OR1D2: variants seen among roughly 807,000 people sequenced by gnomAD.
The protein encoded by OR1D2 is olfactory receptor 1D2.
For synonymous variants in OR1D2, 157 were observed against 153.9 expected (o/e 1.02, Z -0.15); for missense variants, 357 against 376.1 (o/e 0.95, Z 0.42).
At position 3,092,013 on chromosome 17, in the gene OR1D2, G is replaced by C. The variant is rs757246054; in HGVS notation, c.*45C>G. 7.1e-7 allele frequency: 1 copy of C among 1,415,254 alleles called. No homozygotes were observed. Among genetic ancestry groups the C allele is most frequent in the Non-Finnish European group, 9.8e-7 (1 of 1,020,364 alleles). The allele number at this position is 1,415,254 out of a possible 1,614,324, so 87.7% of individuals were successfully genotyped here. A position where few individuals can be genotyped will look rare whatever the true frequency, so the allele number is the denominator to read the frequency against. Reference sequence around the variant, plus strand: ...AGGACAATCCCTTACATAGGGTGAAGGATATTCCTAGTCTCCACTTTAATG... The same window carrying C: ...AGGACAATCCCTTACATAGGGTGAACGATATTCCTAGTCTCCACTTTAATG... On this transcript the variant is annotated 3_prime_UTR_variant, in exon 2 of 2. Coordinates refer to ENST00000641833, the MANE Select transcript of OR1D2 (RefSeq NM_002548.3).
intron 1 of OR1D2, among the ~76,000 whole-genome samples, chr17:3,094,447 G>C (rs2047833473): frequency 6.6e-6 from 1 of 152,102 alleles, no homozygotes; most frequent in Non-Finnish European, 1.5e-5. Context: ...GCTGAATGCG[G>C]TCAGGGAAAG....
chr17:3,098,757 A>G (rs768454427), intron 1 of OR1D2, among the ~76,000 whole-genome samples: 1 of 152,204 alleles, frequency 6.6e-6, no homozygotes, highest in East Asian at 1.9e-4. Context: ...GTTCTAACCC[A>G]ATGCAAAGAA....
At chr17:3,095,469 G>A (rs2047839793) in intron 1 of OR1D2, among the ~76,000 whole-genome samples, 1 of 152,024 alleles carries the variant, frequency 6.6e-6, no homozygotes, top group South Asian at 2.1e-4. Flanking sequence ...CAAAAACACA[G>A]AAAATTTTTG....
chr17:3,092,187 G>A lies in OR1D2; in HGVS notation c.810C>T (p.Asp270=). ...LKPLHTYSVK[D]SVATVMYAVV... ...CAGCATACATCACTGTGGCTACTGA[G>A]TCCTTCACAGAGTAGGTATGGAGGG... Residue 270 remains aspartate, a synonymous_variant, in exon 2 of 2, where the codon GAC becomes GAT. Transcript: ENST00000641833. The A allele has an allele frequency of 6.2e-7, 1 of 1,614,174 alleles. No individual in the cohort carries two copies.
intron 1 of OR1D2, among the ~76,000 whole-genome samples, chr17:3,097,325 T>C (rs1222973059): frequency 6.6e-6 from 1 of 152,216 alleles, no homozygotes; most frequent in Non-Finnish European, 1.5e-5. Flanking sequence ...CTATTCAACA[T>C]AGTACTAGAA....
intron 1 of OR1D2, among the ~76,000 whole-genome samples, chr17:3,093,978 A>G (rs2047829971): frequency 6.6e-6 from 1 of 152,238 alleles, no homozygotes; most frequent in African/African-American, 2.4e-5. Context: ...AAGCATGTAG[A>G]TAAGCTAGAA....
Position 3,092,020 on chromosome 17 carries a change from C to A in OR1D2, c.*38G>T. 1.4e-6 allele frequency: 2 copies of A among 1,464,812 alleles called. No homozygotes were observed. Among genetic ancestry groups the A allele is most frequent in the South Asian group, 1.2e-5 (1 of 80,066 alleles). The allele number at this position is 1,464,812 out of a possible 1,614,324, so 90.7% of individuals were successfully genotyped here. A position where few individuals can be genotyped will look rare whatever the true frequency, so the allele number is the denominator to read the frequency against. ...TCCCTTACATAGGGTGAAGGATATT[C>A]CTAGTCTCCACTTTAATGCTGTCTT... is the stretch of plus-strand genomic sequence containing the variant. On this transcript the variant is annotated 3_prime_UTR_variant, in exon 2 of 2. Coordinates refer to ENST00000641833, the MANE Select transcript of OR1D2 (RefSeq NM_002548.3).
Position 3,089,645 on chromosome 17 carries a change from G to A in OR1D2, c.*2413C>T, listed in dbSNP as rs933873888. On this transcript the variant is annotated 3_prime_UTR_variant, in exon 2 of 2. Coordinates refer to ENST00000641833, the MANE Select transcript of OR1D2 (RefSeq NM_002548.3). The stretch of plus-strand genomic sequence containing the variant: ...GTCTTCGGCTACCAGGGTGCGTAGA[G>A]AAAGACCATTAGGTTGGGGCAGGGT... 6.6e-6 allele frequency: 1 copy of A among 152,268 alleles called. No homozygotes were observed. The highest frequency in any genetic ancestry group is 1.5e-5 in the Non-Finnish European group (1 of 68,090). 9.4% of individuals were successfully genotyped at this position (152,268 alleles called of 1,614,324 possible). A position where few individuals can be genotyped will look rare whatever the true frequency, so the allele number is the denominator to read the frequency against.
chr17:3,099,940 T>C (rs926972739), intron 1 of OR1D2, among the ~76,000 whole-genome samples: 2 of 152,052 alleles, frequency 1.3e-5, no homozygotes, highest in Non-Finnish European at 2.9e-5. Flanking sequence ...GCAAGGGCAT[T>C]ACATAATGGT....
intron 1 of OR1D2, among the ~76,000 whole-genome samples, chr17:3,097,906 G>A (rs567716522): frequency 6.6e-6 from 1 of 152,256 alleles, no homozygotes; most frequent in African/African-American, 2.4e-5. Context: ...CCCTATGGTC[G>A]ACTGTGGCCA....
rs1198967334 is a variant in OR1D2 at position 3,090,142 on chromosome 17, T to C, written c.*1916A>G. 2 of 152,272 alleles carry C rather than the reference T, an allele frequency of 1.3e-5. No individual in the cohort carries two copies. 9.4% of individuals were successfully genotyped at this position (152,272 alleles called of 1,614,324 possible). A position where few individuals can be genotyped will look rare whatever the true frequency, so the allele number is the denominator to read the frequency against. Reference sequence around the variant, plus strand: ...TGGGTCCCATATGTCCCATAGGCTTTCTTCACTCTTTTTCCATTTGTTTCT... The same window carrying C: ...TGGGTCCCATATGTCCCATAGGCTTCCTTCACTCTTTTTCCATTTGTTTCT... On this transcript the variant is annotated 3_prime_UTR_variant, in exon 2 of 2. Coordinates refer to ENST00000641833, the MANE Select transcript of OR1D2 (RefSeq NM_002548.3).
At chr17:3,093,300 A>G (rs1481329015) in intron 1 of OR1D2, among the ~76,000 whole-genome samples, 4 of 152,224 alleles carry the variant, frequency 2.6e-5, no homozygotes, top group Non-Finnish European at 4.4e-5. Flanking sequence ...TATGATATGT[A>G]TATGTGTTAA....
intron 1 of OR1D2, among the ~76,000 whole-genome samples, chr17:3,102,864 C>A (rs997644047): frequency 6.6e-6 from 1 of 152,150 alleles, no homozygotes; most frequent in Non-Finnish European, 1.5e-5. Flanking sequence ...TAGTAGGGAA[C>A]CCACTCTCTC....
intron 1 of OR1D2, among the ~76,000 whole-genome samples, chr17:3,094,174 A>G (rs764917472): frequency 1.3e-5 from 2 of 152,090 alleles, no homozygotes; most frequent in Non-Finnish European, 2.9e-5. Context: ...GCATGGGTAC[A>G]CTCTATATTA....
intron 1 of OR1D2, among the ~76,000 whole-genome samples, chr17:3,103,619 C>T (rs2047883823): frequency 6.6e-6 from 1 of 152,162 alleles, no homozygotes; most frequent in African/African-American, 2.4e-5. Context: ...GGAAACACTG[C>T]TCTGAGTTTG....
intron 1 of OR1D2, among the ~76,000 whole-genome samples, chr17:3,101,517 G>A (rs548167818): frequency 3.3e-5 from 5 of 152,016 alleles, no homozygotes; most frequent in South Asian, 4.1e-4. Context: ...TTGATGGAAC[G>A]TATCTCAAAA....
chr17:3,094,147 A>G (rs947260977), intron 1 of OR1D2, among the ~76,000 whole-genome samples: 1 of 152,214 alleles, frequency 6.6e-6, no homozygotes, highest in African/African-American at 2.4e-5. Context: ...TGCACTGTAT[A>G]TTAGCCGGTA....
chr17:3,092,099 G>C lies in OR1D2; in HGVS notation c.898C>G (p.Leu300Val). The change falls in exon 2 of 2, where the codon CTG (leucine) becomes GTG (valine). Residue 300 changes from leucine to valine, a missense_variant. By Grantham distance (32) the Leu-to-Val change is conservative. Transcript: ENST00000641833. ...SLRNKDMHGALGRLLDKHFKR... is the reference protein window; with the variant it reads ...SLRNKDMHGAVGRLLDKHFKR... ...AAGTGTTTATCTAGGAGTCTTCCCA[G>C]AGCCCCATGCATGTCCTTGTTCCTC... 2.5e-6 allele frequency: 4 copies of C among 1,613,824 alleles called. No homozygotes were observed. Among genetic ancestry groups the C allele is most frequent in the Non-Finnish European group, 3.4e-6 (4 of 1,179,862 alleles).
chr17:3,097,448 A>G (rs2047851612), intron 1 of OR1D2, among the ~76,000 whole-genome samples: 1 of 152,198 alleles, frequency 6.6e-6, no homozygotes, highest in Non-Finnish European at 1.5e-5. Context: ...AAAGCTCTAA[A>G]TACGAGTCCC....
Sources: gnomAD v4.1 joint callset for allele counts (sites outside exome capture counted in the v4.1 genomes callset) on GRCh38, gnomAD v4.1.1 for gene constraint, MANE v1.5 for transcripts, NCBI Gene and HGNC (gene_info 2026-07-23, HGNC 2026-07-21) for gene names.